MYH3: variants seen among roughly 807,000 people sequenced by gnomAD.
MYH3 encodes myosin-3.
Under a neutral mutation model 238.0 loss-of-function variants are expected in MYH3, and 130 were observed. The observed-to-expected ratio is 0.55, with a 90% CI of 0.47 to 0.63. The LOEUF (loss-of-function observed/expected upper bound fraction) is 0.63. MYH3 is among the 30% of genes least tolerant of loss of function. MYH3 has a pLI of 0.00. For synonymous variants in MYH3, 880 were observed against 924.1 expected, an observed-to-expected ratio of 0.95 and a Z score of 0.86; for missense variants, 1,853 against 2,374.9, an observed-to-expected ratio of 0.78 and a Z score of 4.57.
At chr17:10,634,527 C>T (rs991717443) in intron 31 of MYH3, among the ~76,000 whole-genome samples, 5 of 152,192 alleles carry the variant, frequency 3.3e-5, no homozygotes, top group Non-Finnish European at 7.3e-5. Context: ...AGAAGGGCTT[C>T]CAGAAAGCCT....
rs2074247769 is a variant in MYH3, at chr17:10,639,435, T to C, written c.2965A>G (p.Thr989Ala). ...TTCTCTCTGGTTAACTTTGCAATTG[T>C]TTCATCTAACCCAGAGAGTTCCTCA... ...LTEELSGLDE[T>A]IAKLTREKKA... The change falls in exon 24 of 41, where the codon ACA becomes GCA. Residue 989 changes from threonine to alanine, a missense_variant. Physicochemically the swap from Thr to Ala is moderately conservative, Grantham distance 58 (BLOSUM62 0). Around this residue, in one of 3 missense-constraint regions of MYH3, gnomAD observed 1,044 missense variants for 1,192.6 expected, o/e 0.88. Transcript: ENST00000583535. 1 of 1,614,108 alleles carries C rather than the reference T, an allele frequency of 6.2e-7. No homozygotes were observed. Among genetic ancestry groups the C allele is most frequent in the African/African-American group, 1.3e-5 (1 of 75,058 alleles).
the MYH3 span, chr17:10,674,488 T>C: frequency 4.0e-6 from 1 of 248,596 alleles, no homozygotes; most frequent in Non-Finnish European, 7.9e-6. Flanking sequence ...GAGTGGAGCC[T>C]GAGAAGCTGC....
At chr17:10,628,896 G>T (rs2074121714) in intron 40 of MYH3, among the ~76,000 whole-genome samples, 1 of 152,222 alleles carries the variant, frequency 6.6e-6, no homozygotes, top group Non-Finnish European at 1.5e-5. Flanking sequence ...TGGAGACCCA[G>T]CGACCTACTG....
intron 36 of MYH3, among the ~76,000 whole-genome samples, chr17:10,630,679 A>C (rs756142751): frequency 5.3e-4 from 80 of 152,236 alleles, no homozygotes; most frequent in Admixed American, 1.6e-3. Flanking sequence ...GTGAAAGCCC[A>C]TCTCTACTAA....
At chr17:10,643,025 A>G (rs1397032181) in intron 14 of MYH3, 29 bp from the exon 15 acceptor site, 9 of 1,614,028 alleles carry the variant, frequency 5.6e-6, no homozygotes, top group African/African-American at 1.3e-5. Flanking sequence ...ATTCATGTGA[A>G]AAGTTAGACT....
chr17:10,636,654 G>A (rs1035266278), intron 28 of MYH3, among the ~76,000 whole-genome samples: 3 of 152,108 alleles, frequency 2.0e-5, no homozygotes, highest in Admixed American at 6.5e-5. Flanking sequence ...GGTGGCTCAC[G>A]CCTGTAATCC....
chr17:10,651,847 A>T (rs2074379328), intron 4 of MYH3, 179 bp from the exon 5 acceptor site: 2 of 826,010 alleles, frequency 2.4e-6, no homozygotes, highest in East Asian at 6.3e-5. Context: ...GGGTTCAAGC[A>T]ATTCTCCTGC....
In MYH3 at chr17:10,645,648, C is replaced by G; in HGVS notation, c.1141+59G>C. On this transcript the variant is annotated intron_variant, in intron 12 of 40. Transcript: ENST00000583535. ...GGATTAATTGCTTTCAAAAGCAGTA[C>G]CAAGTGACCTCAGCAGATCAGCCAC... 3 of 1,603,054 alleles carry G rather than the reference C, an allele frequency of 1.9e-6. No homozygotes were observed. The Admixed American group carries it at 5.0e-5, about 27-fold the overall frequency.
rs1350359170 is a variant in MYH3 at position 10,644,586 on chromosome 17, G to A, written c.1258C>T (p.Gln420Ter). 1 of 1,613,818 alleles carries A rather than the reference G, an allele frequency of 6.2e-7. No individual in the cohort carries two copies. Among genetic ancestry groups the A allele is most frequent in the Non-Finnish European group, 8.5e-7 (1 of 1,179,690 alleles). Reference protein sequence around the residue: ...EYVTKGQTVDQVHHAVNALSK... With the variant: ...EYVTKGQTVD ...TTTCCCGGCCTTGAAGCTGTTACCT[G>A]ATCCACAGTTTGACCTTTGGTAACG... The change falls in exon 13 of 41, where the codon CAG (glutamine) becomes TAG (stop). Residue 420 changes from glutamine to a stop codon, truncating the protein, a stop_gained and splice_region_variant. Transcript: ENST00000583535. LOFTEE classifies it high-confidence loss of function.
chr17:10,639,425 T>G lies in MYH3; in HGVS notation c.2975A>C (p.Lys992Thr). ...ELSGLDETIAKLTREKKALQE... is the reference protein window; with the variant it reads ...ELSGLDETIATLTREKKALQE... ...GAGGGCCTTCTTCTCTCTGGTTAAC[T>G]TTGCAATTGTTTCATCTAACCCAGA... Residue 992 changes from lysine (K) to threonine (T), a missense_variant, in exon 24 of 41, where the codon AAG becomes ACG. By Grantham distance (78) the Lys-to-Thr change is moderately conservative (BLOSUM62 -1). Coordinates refer to ENST00000583535, the MANE Select transcript of MYH3 (RefSeq NM_002470.4). 2 of 1,614,092 alleles carry G rather than the reference T, an allele frequency of 1.2e-6. No homozygotes were observed. The highest frequency in any genetic ancestry group is 1.7e-6 in the Non-Finnish European group (2 of 1,179,974).
intron 27 of MYH3, 29 bp downstream of exon 27, chr17:10,638,014 C>A: frequency 1.2e-6 from 2 of 1,613,974 alleles, no homozygotes; most frequent in Non-Finnish European, 1.7e-6. Flanking sequence ...TGATGGAAAG[C>A]CTTGAGCCAC....
In MYH3 at chr17:10,630,338, G is replaced by T; in HGVS notation, c.5407C>A (p.Gln1803Lys). The T allele has an allele frequency of 6.2e-7, 1 of 1,614,184 alleles. No homozygotes were observed. Among genetic ancestry groups the T allele is most frequent in the Non-Finnish European group, 8.5e-7 (1 of 1,180,050 alleles). ...TTCTTCCCGCCCTTCAGCGCCAGCT[G>T]CTCGGCCTCATCTAGACGATGCTGC... ...DLQHRLDEAEQLALKGGKKQI... is the reference protein window; with the variant it reads ...DLQHRLDEAEKLALKGGKKQI... Residue 1803 changes from glutamine (Q) to lysine (K), a missense_variant, in exon 37 of 41, where the codon CAG becomes AAG. Coordinates refer to ENST00000583535, the MANE Select transcript of MYH3 (RefSeq NM_002470.4).
intron 36 of MYH3, 84 bp downstream of exon 36, chr17:10,631,527 G>A (rs1241924307): frequency 1.9e-6 from 3 of 1,596,610 alleles, no homozygotes; most frequent in African/African-American, 1.3e-5. Context: ...GTGGCTGGGG[G>A]AGACCGCACC....
Position 10,629,770 on chromosome 17 carries a change from C to T in MYH3, c.5659-36G>A, listed in dbSNP as rs1476056995. On this transcript the variant is annotated intron_variant, in intron 39 of 40. Transcript: ENST00000583535. ...AGAGCCCAGGCAGGTTATATCAGCA[C>T]GCGCCTCTCTCAGAACTCACCACGG... The T allele has an allele frequency of 6.8e-6, 11 of 1,614,036 alleles. No homozygotes were observed. In the South Asian group the frequency reaches 8.8e-5, roughly 13 times the overall value.
chr17:10,638,033 C>T lies in MYH3; in HGVS notation c.3729+10G>A, dbSNP rs762132597. The T allele has an allele frequency of 9.3e-6, 15 of 1,613,872 alleles. No homozygotes were observed. The highest frequency in any genetic ancestry group is 4.5e-5 in the East Asian group (2 of 44,858). On this transcript the variant is annotated intron_variant, in intron 27 of 40. Transcript: ENST00000583535. ...GGAAAGCCTTGAGCCACCCCCACCCCGCGCAGCACCTTAGATTTCGACACA... is the reference window on the plus strand; with the variant it reads ...GGAAAGCCTTGAGCCACCCCCACCCTGCGCAGCACCTTAGATTTCGACACA...
chr17:10,658,292 G>A (rs1016930246), upstream of MYH3, among the ~76,000 whole-genome samples: 1 of 152,116 alleles, frequency 6.6e-6, no homozygotes, highest in African/African-American at 2.4e-5. Context: ...AGGATGGCTG[G>A]GTGGGCACCC....
Position 10,630,272 on chromosome 17 carries a change from T to A in MYH3, c.5457+16A>T, listed in dbSNP as rs770763866. 1.8e-5 allele frequency: 28 copies of A among 1,553,980 alleles called. No individual in the cohort carries two copies. Among genetic ancestry groups the A allele is most frequent in the Non-Finnish European group, 2.4e-5 (27 of 1,142,718 alleles). On this transcript the variant is annotated intron_variant, in intron 37 of 40. Transcript: ENST00000583535. ...GCTGGAAAGCTCAGCGCAGGCGGGG[T>A]TCCTCCTGCACACACCCTGGTCTCC...
At chr17:10,635,311 A>G in intron 30 of MYH3, 56 bp downstream of exon 30, 1 of 1,612,548 alleles carries the variant, frequency 6.2e-7, no homozygotes, top group Non-Finnish European at 8.5e-7. Context: ...TAATAAAAAT[A>G]AATTCATCGA....
intron 33 of MYH3, among the ~76,000 whole-genome samples, chr17:10,633,193 T>G (rs1043901554): frequency 2.0e-5 from 3 of 151,968 alleles, no homozygotes; most frequent in African/African-American, 4.8e-5. Flanking sequence ...AGAGCAAAAC[T>G]CTGTCTCAAG....
Sources: gnomAD v4.1 joint callset for allele counts (sites outside exome capture counted in the v4.1 genomes callset) on GRCh38, gnomAD v4.1.1 for gene constraint, gnomAD v4.1.1 regional missense constraint, MANE v1.5 for transcripts, NCBI Gene and HGNC (gene_info 2026-07-23, HGNC 2026-07-21) for gene names.